The following PARD3B variants were observed in gnomAD, a reference collection of about 807,000 sequenced individuals.
The protein encoded by PARD3B is partitioning defective 3 homolog B.
PARD3B carries 103 observed loss-of-function variants against 130.2 expected under a neutral mutation model. The observed-to-expected ratio is 0.79, with a 90% CI of 0.67 to 0.93. The LOEUF is 0.93. PARD3B is among the 40% of genes least tolerant of loss of function. The probability of loss-of-function intolerance (pLI) is 0.00; values close to 1 mark genes in which losing one functional copy is unlikely to be tolerated. For missense variants in PARD3B, 1,609 were observed against 1,499.2 expected (o/e 1.07, Z -1.21); for synonymous variants, 583 against 553.2 (o/e 1.05, Z -0.76).
chr2:204,931,139 G>A (rs908823725), intron 2 of PARD3B, among the ~76,000 whole-genome samples: 8 of 152,102 alleles, frequency 5.3e-5, no homozygotes, highest in East Asian at 1.9e-4. Flanking sequence ...CTTCAAGGAC[G>A]TTTGTGGCAT....
intron 18 of PARD3B, among the ~76,000 whole-genome samples, chr2:205,319,195 A>G (rs1239643030): frequency 6.6e-6 from 1 of 152,190 alleles, no homozygotes; most frequent in Non-Finnish European, 1.5e-5. Flanking sequence ...TCAATAAACC[A>G]GTAGAGCACT....
intron 3 of PARD3B, among the ~76,000 whole-genome samples, chr2:204,986,084 G>C (rs1384500755): frequency 8.5e-6 from 1 of 118,044 alleles, no homozygotes; most frequent in Non-Finnish European, 1.6e-5. Context: ...CTGGACAACA[G>C]AGCGAGACTC....
At chr2:204,976,067 T>C (rs988645019) in intron 3 of PARD3B, among the ~76,000 whole-genome samples, 6 of 152,344 alleles carry the variant, frequency 3.9e-5, no homozygotes, top group Admixed American at 6.5e-5. Context: ...TGAAGAGTTA[T>C]GCGAGGTTAG....
intron 22 of PARD3B, among the ~76,000 whole-genome samples, chr2:205,569,940 C>T (rs1559227066): frequency 6.6e-6 from 1 of 152,170 alleles, no homozygotes; most frequent in Non-Finnish European, 1.5e-5. Context: ...CCCTCATCTC[C>T]TAGAGCATGC....
intron 3 of PARD3B, among the ~76,000 whole-genome samples, chr2:205,028,711 G>A (rs962103331): frequency 6.6e-6 from 1 of 152,066 alleles, no homozygotes; most frequent in Non-Finnish European, 1.5e-5. Flanking sequence ...AAAGACATCC[G>A]AATTAGGAAG....
At chr2:205,594,941 T>C (rs2054515832) in intron 22 of PARD3B, among the ~76,000 whole-genome samples, 1 of 152,252 alleles carries the variant, frequency 6.6e-6, no homozygotes, top group African/African-American at 2.4e-5. Flanking sequence ...ATTTTATTTT[T>C]ATTTTTTAAA....
chr2:205,340,233 G>T (rs2043471250), intron 18 of PARD3B, among the ~76,000 whole-genome samples: 1 of 151,788 alleles, frequency 6.6e-6, no homozygotes. Context: ...CTGTATAAAG[G>T]TATAAATGAA....
At position 205,238,849 on chromosome 2, in the gene PARD3B, A is replaced by AAATATAT. The variant is rs1273582854; in HGVS notation, c.2141-6928_2141-6927insATATATA. 4.7e-4 allele frequency among the ~76,000 whole-genome samples: 36 copies of AAATATAT among 76,898 alleles called. 2 individuals are homozygous for AAATATAT. Among genetic ancestry groups the AAATATAT allele is most frequent in the East Asian group, 2.2e-3 (4 of 1,790 alleles). The allele number at this position is 76,898 out of a possible 152,430, so 50.4% of individuals were successfully genotyped here. A position where few individuals can be genotyped will look rare whatever the true frequency, so the allele number is the denominator to read the frequency against. ...AAACTCCGTTTCAAAAAAAAAAAAA[A>AAATATAT]ATATATATATATATATATATATATA... On this transcript the variant is annotated intron_variant, in intron 15 of 22. Coordinates refer to ENST00000406610, the MANE Select transcript of PARD3B (RefSeq NM_001302769.2).
intron 22 of PARD3B, among the ~76,000 whole-genome samples, chr2:205,597,010 C>T (rs557985241): frequency 6.6e-6 from 1 of 152,080 alleles, no homozygotes. Context: ...CTACCTTATC[C>T]CAATTAAACT....
intron 20 of PARD3B, among the ~76,000 whole-genome samples, chr2:205,444,247 T>C (rs2047827732): frequency 6.6e-6 from 1 of 152,066 alleles, no homozygotes; most frequent in African/African-American, 2.4e-5. Context: ...CCTCCCAAAA[T>C]GCTGGGATTA....
At chr2:204,586,021 G>C (rs1173990511) in intron 1 of PARD3B, among the ~76,000 whole-genome samples, 1 of 152,106 alleles carries the variant, frequency 6.6e-6, no homozygotes. Flanking sequence ...TATTTGTTCT[G>C]CCTGATGGGC....
intron 18 of PARD3B, among the ~76,000 whole-genome samples, chr2:205,307,197 C>T (rs1454421329): frequency 2.0e-5 from 3 of 152,140 alleles, no homozygotes; most frequent in Non-Finnish European, 4.4e-5. Context: ...ATTAGCTGGT[C>T]CATTTGTGTC....
chr2:205,417,275 C>T (rs1050015520), intron 19 of PARD3B, among the ~76,000 whole-genome samples: 1 of 152,084 alleles, frequency 6.6e-6, no homozygotes, highest in African/African-American at 2.4e-5. Flanking sequence ...TTTCTTATGG[C>T]TGCATAATAT....
rs1052120027 is a variant in PARD3B, at chr2:204,675,648, A to G, written c.121-10533A>G. On this transcript the variant is annotated intron_variant, in intron 1 of 22. Coordinates refer to ENST00000406610, the MANE Select transcript of PARD3B (RefSeq NM_001302769.2). The surrounding 1 kb of genome is among the most constrained non-coding windows in gnomAD (Gnocchi z 4.4). ...ATCCTAAAATGAAAAATGAACCTCT[A>G]AAGCCCTTTATATAAAGAAAACCGC... 4.6e-5 allele frequency among the ~76,000 whole-genome samples: 7 copies of G among 152,170 alleles called. No homozygotes were observed. Among genetic ancestry groups the G allele is most frequent in the African/African-American group, 1.4e-4 (6 of 41,470 alleles).
At chr2:205,515,644 G>A (rs1308186471) in intron 21 of PARD3B, among the ~76,000 whole-genome samples, 1 of 151,428 alleles carries the variant, frequency 6.6e-6, no homozygotes, top group African/African-American at 2.4e-5. Context: ...TTTTAATGGG[G>A]TTGTTTTTCT....
In PARD3B at chr2:205,274,241, C is replaced by CT. The variant is rs1295360918; in HGVS notation, c.2186-26286dup. On this transcript the variant is annotated intron_variant, in intron 16 of 22. Coordinates refer to ENST00000406610, the MANE Select transcript of PARD3B (RefSeq NM_001302769.2). The surrounding 1 kb of genome is among the most constrained non-coding windows in gnomAD (Gnocchi z 4.2). ...CCTATATTCTTTCTACTCTTTATTTCTTTGTGTGAATAGGCAACATGTTTA... is the reference window on the plus strand; with the variant it reads ...CCTATATTCTTTCTACTCTTTATTTCTTTTGTGTGAATAGGCAACATGTTTA... 6.6e-6 allele frequency among the ~76,000 whole-genome samples: 1 copy of CT among 151,788 alleles called. No homozygotes were observed. Among genetic ancestry groups the CT allele is most frequent in the Non-Finnish European group, 1.5e-5 (1 of 67,942 alleles).
At chr2:205,049,442 G>T (rs2125416906) in intron 4 of PARD3B, among the ~76,000 whole-genome samples, 1 of 152,250 alleles carries the variant, frequency 6.6e-6, no homozygotes, top group Admixed American at 6.5e-5. Flanking sequence ...CCATGATCCA[G>T]TCACTTCCCA....
intron 18 of PARD3B, among the ~76,000 whole-genome samples, chr2:205,324,842 C>T (rs1425393354): frequency 6.6e-6 from 1 of 152,074 alleles, no homozygotes; most frequent in Non-Finnish European, 1.5e-5. Context: ...GCTTACTAAA[C>T]GGTTTTCCCA....
rs958504408 is a variant in PARD3B, at chr2:204,967,616, T to G, written c.394+2293T>G. ...GTAAAAAAATCATCCCTTACCCACT[T>G]TCATGGTTCTAGCAGTTTGAGTACT... On this transcript the variant is annotated intron_variant, in intron 3 of 22. Coordinates refer to ENST00000406610, the MANE Select transcript of PARD3B (RefSeq NM_001302769.2). The surrounding 1 kb of genome is among the most constrained non-coding windows in gnomAD (Gnocchi z 4.4). 6.6e-6 allele frequency among the ~76,000 whole-genome samples: 1 copy of G among 152,164 alleles called. No individual in the cohort carries two copies. Among genetic ancestry groups the G allele is most frequent in the Non-Finnish European group, 1.5e-5 (1 of 68,018 alleles).
Sources: allele counts gnomAD v4.1 joint callset (sites outside exome capture counted in the v4.1 genomes callset), GRCh38; gene constraint gnomAD v4.1.1; non-coding constraint Gnocchi (gnomAD v3.1); transcripts MANE v1.5; gene names NCBI Gene and HGNC (gene_info 2026-07-23, HGNC 2026-07-21).